EHMT1: variants seen among roughly 807,000 people sequenced by gnomAD.
EHMT1 encodes euchromatic histone lysine methyltransferase 1, also known as histone-lysine N-methyltransferase EHMT1.
In EHMT1, 15 loss-of-function variants were observed where a neutral mutation model predicts 147.2. That is an observed-to-expected ratio of 0.10 (90% confidence interval 0.07 to 0.16). The LOEUF is 0.16. Ranked by LOEUF, EHMT1 falls within the 10% of genes least tolerant of loss-of-function variation. EHMT1 has a pLI of 1.00. For synonymous variants in EHMT1, 795 were observed against 709.6 expected (o/e 1.12, Z -1.91); for missense variants, 1,587 against 1,772.4 (o/e 0.90, Z 1.88).
chr9:137,790,165 G>GT (rs1481263626), intron 15 of EHMT1, among the ~76,000 whole-genome samples: 2 of 152,148 alleles, frequency 1.3e-5, no homozygotes, highest in African/African-American at 4.8e-5. Flanking sequence ...TATTTTCAAC[G>GT]TTTTTTCATA....
At chr9:137,757,602 G>A (rs1949475313) in intron 8 of EHMT1, among the ~76,000 whole-genome samples, 2 of 152,202 alleles carry the variant, frequency 1.3e-5, no homozygotes, top group South Asian at 2.1e-4. Context: ...AGAGAAAGAT[G>A]TGCTGACATG....
chr9:137,692,500 A>G (rs1943026828), intron 1 of EHMT1, among the ~76,000 whole-genome samples: 1 of 152,002 alleles, frequency 6.6e-6, no homozygotes, highest in African/African-American at 2.4e-5. Flanking sequence ...TCCTGACCTC[A>G]GGTGATCCAC....
chr9:137,667,119 CAGT>C (rs2134172025), intron 1 of EHMT1: 1 of 152,346 alleles, frequency 6.6e-6, no homozygotes, highest in Non-Finnish European at 1.5e-5. Context: ...TGAGCCCGGG[CAGT>C]GCCATCGCTC....
intron 1 of EHMT1, among the ~76,000 whole-genome samples, chr9:137,668,961 A>G (rs1403278399): frequency 6.6e-6 from 1 of 152,106 alleles, no homozygotes; most frequent in Non-Finnish European, 1.5e-5. Context: ...ATCTCAGCTC[A>G]CTGCAAGCTC....
chr9:137,774,987 C>T (rs868036460), intron 10 of EHMT1, 122 bp from the exon 11 acceptor site: 26 of 1,428,424 alleles, frequency 1.8e-5, no homozygotes, highest in East Asian at 4.6e-5. Context: ...TTGCAGGGCT[C>T]GGCTCAGTCA....
chr9:137,662,850 A>G (rs921863280), intron 1 of EHMT1, among the ~76,000 whole-genome samples: 7 of 149,066 alleles, frequency 4.7e-5, no homozygotes, highest in Non-Finnish European at 8.9e-5. Flanking sequence ...CTGGAGTGCA[A>G]TGGTGCGATC....
Position 137,696,757 on chromosome 9 carries a change from G to T in EHMT1, c.22-14210G>T, listed in dbSNP as rs138486644. Among the ~76,000 whole-genome samples, 597 of 152,224 alleles carry T rather than the reference G, an allele frequency of 3.9e-3. 5 individuals are homozygous for T. The highest frequency in any genetic ancestry group is 6.2e-3 in the Non-Finnish European group (424 of 68,014). ...CGTCATGGGGGTATCTTCAAAGCTC[G>T]GGTAGGTAATATGTGAAAGTTGACA... is the stretch of plus-strand genomic sequence containing the variant. On this transcript the variant is annotated intron_variant, in intron 1 of 26. Coordinates refer to ENST00000460843, the MANE Select transcript of EHMT1 (RefSeq NM_024757.5).
chr9:137,760,400 A>G (rs1949713088), intron 9 of EHMT1, among the ~76,000 whole-genome samples: 1 of 152,138 alleles, frequency 6.6e-6, no homozygotes. Context: ...CCTTTTAAAA[A>G]TCAGGTTGCT....
intron 4 of EHMT1, among the ~76,000 whole-genome samples, chr9:137,730,205 G>C (rs964917896): frequency 2.0e-5 from 3 of 152,194 alleles, no homozygotes; most frequent in Admixed American, 6.5e-5. Context: ...TCAAGTTACT[G>C]CTCACCAGAC....
At chr9:137,663,286 G>A (rs1939279207) in intron 1 of EHMT1, among the ~76,000 whole-genome samples, 1 of 152,154 alleles carries the variant, frequency 6.6e-6, no homozygotes, top group Non-Finnish European at 1.5e-5. Context: ...GTTGGCTTGA[G>A]CAGGAAGAGG....
intron 18 of EHMT1, among the ~76,000 whole-genome samples, chr9:137,807,194 T>G (rs894552844): frequency 8.5e-5 from 13 of 152,234 alleles, no homozygotes; most frequent in Non-Finnish European, 1.9e-4. Context: ...ATGTAGGAGT[T>G]CTCAGAGTGG....
chr9:137,621,668 C>T (rs117363506), intron 1 of EHMT1, among the ~76,000 whole-genome samples: 2 of 152,196 alleles, frequency 1.3e-5, no homozygotes, highest in Non-Finnish European at 2.9e-5. Context: ...CTCCATTCCC[C>T]ATTTGTGGAT....
chr9:137,758,754 G>C (rs896352487), intron 9 of EHMT1, among the ~76,000 whole-genome samples: 1 of 152,162 alleles, frequency 6.6e-6, no homozygotes, highest in South Asian at 2.1e-4. Context: ...TAGCTTTTTA[G>C]GGTTTTGAAC....
intron 1 of EHMT1, among the ~76,000 whole-genome samples, chr9:137,672,662 C>CCAA: frequency 6.6e-6 from 1 of 152,242 alleles, no homozygotes; most frequent in Admixed American, 6.5e-5. Flanking sequence ...CAACCAGTTT[C>CCAA]TGCCTCTCGT....
chr9:137,744,131 A>G (rs1948349599), intron 6 of EHMT1, 41 bp downstream of exon 6: 1 of 1,611,460 alleles, frequency 6.2e-7, no homozygotes, highest in Admixed American at 1.7e-5. Context: ...AGGAAAGAGC[A>G]TCACAAAGTT....
intron 16 of EHMT1, among the ~76,000 whole-genome samples, chr9:137,793,435 T>G (rs1458257882): frequency 1.3e-5 from 2 of 152,228 alleles, no homozygotes; most frequent in Non-Finnish European, 2.9e-5. Context: ...TCTCACGCGT[T>G]GCTAGTGGGG....
chr9:137,645,115 C>T (rs906595488), intron 1 of EHMT1, among the ~76,000 whole-genome samples: 8 of 152,320 alleles, frequency 5.3e-5, no homozygotes, highest in African/African-American at 1.7e-4. Context: ...TCAAATGATC[C>T]GCCTGCCTCG....
intron 1 of EHMT1, among the ~76,000 whole-genome samples, chr9:137,661,281 T>A (rs1400094697): frequency 1.3e-5 from 2 of 152,194 alleles, no homozygotes; most frequent in Admixed American, 6.5e-5. Context: ...ATGATTATTC[T>A]TGATTTTAAA....
In EHMT1 at chr9:137,728,517, A is replaced by C; in HGVS notation, c.811A>C (p.Lys271Gln). ...PQNQCYMATT[K>Q]SQTACLPFVL... ...GAACCAGTGCTACATGGCCACCACA[A>C]AATCACAGACAGGTAAAGAGGACCC... Residue 271 changes from lysine to glutamine, a missense_variant, in exon 4 of 27, where the codon AAA becomes CAA. Physicochemically the swap from Lys to Gln is moderately conservative, Grantham distance 53. Around this residue, in one of 7 missense-constraint regions of EHMT1, gnomAD observed 810 missense variants for 673.0 expected, o/e 1.20. Coordinates refer to ENST00000460843, the MANE Select transcript of EHMT1 (RefSeq NM_024757.5). 1 of 1,614,062 alleles carries C rather than the reference A, an allele frequency of 6.2e-7. No individual in the cohort carries two copies. The highest frequency in any genetic ancestry group is 8.5e-7 in the Non-Finnish European group (1 of 1,180,020).
Sources: allele counts gnomAD v4.1 joint callset (sites outside exome capture counted in the v4.1 genomes callset), GRCh38; gene constraint gnomAD v4.1.1; regional missense constraint gnomAD v4.1.1; transcripts MANE v1.5; gene names NCBI Gene and HGNC (gene_info 2026-07-23, HGNC 2026-07-21).